Variants in AGTPBP1 observed in about 807,000 individuals in gnomAD.
AGTPBP1 encodes ATP/GTP binding carboxypeptidase 1.
AGTPBP1 carries 70 observed loss-of-function variants against 143.9 expected under a neutral mutation model. The ratio of observed to expected loss-of-function variants is 0.49; its 90% confidence interval spans 0.40 to 0.59. The LOEUF is 0.59. AGTPBP1 is among the 20% of genes least tolerant of loss of function. The pLI, the probability that AGTPBP1 is intolerant of heterozygous loss-of-function variation, is 0.00. For synonymous variants in AGTPBP1, 463 were observed against 500.2 expected (o/e 0.93, Z 0.99); for missense variants, 1,229 against 1,464.5 (o/e 0.84, Z 2.62).
In AGTPBP1 at chr9:85,633,017, T is replaced by A; in HGVS notation, c.1660A>T (p.Met554Leu). The change falls in exon 14 of 26, where the codon ATG (methionine) becomes TTG (leucine). Residue 554 changes from methionine (M) to leucine (L), a missense_variant. Transcript: ENST00000357081. ...AGAGGAAGACTGCAGTCCTTCTTCA[T>A]TTCTGCAGTAAAACCTGGGGCTGTT... is the stretch of plus-strand genomic sequence containing the variant. ...SQTAPGFTAE[M>L]KKDCSLPLTV... is the part of the protein sequence containing the mutation. 2 of 1,614,184 alleles carry A rather than the reference T, an allele frequency of 1.2e-6. No individual in the cohort carries two copies. Among genetic ancestry groups the A allele is most frequent in the Non-Finnish European group, 1.7e-6 (2 of 1,180,024 alleles).
At chr9:85,593,495 G>A (rs1034691904) in intron 18 of AGTPBP1, among the ~76,000 whole-genome samples, 1 of 152,130 alleles carries the variant, frequency 6.6e-6, no homozygotes. Flanking sequence ...AGAGGCAATC[G>A]GGGAAGTCTG....
At position 85,702,640 on chromosome 9, in the gene AGTPBP1, C is replaced by T. The variant is rs529779592; in HGVS notation, c.33-9827G>A. On this transcript the variant is annotated intron_variant, in intron 2 of 25. Transcript: ENST00000357081. ...TTCCTAAAAATGTTATTTCTGGTAA[C>T]GACTCTCTGTCTCTCTCTCTTTTTT... Among the ~76,000 whole-genome samples, 10 of 150,570 alleles carry T rather than the reference C, an allele frequency of 6.6e-5. No homozygotes were observed. The South Asian group carries it at 1.7e-3, about 25-fold the overall frequency.
chr9:85,608,426 A>G lies in AGTPBP1; in HGVS notation c.2335+10557T>C, dbSNP rs1484107188. Among the ~76,000 whole-genome samples, 4 of 152,208 alleles carry G rather than the reference A, an allele frequency of 2.6e-5. No homozygotes were observed. In the South Asian group the frequency reaches 6.2e-4, roughly 24 times the overall value. ...ACAATTGAACAAGAAAACAAAATATAGAGAACCAAATGACATAATCAATGT... is the reference window on the plus strand; with the variant it reads ...ACAATTGAACAAGAAAACAAAATATGGAGAACCAAATGACATAATCAATGT... On this transcript the variant is annotated intron_variant, in intron 17 of 25. Coordinates refer to ENST00000357081, the MANE Select transcript of AGTPBP1 (RefSeq NM_001330701.2).
At position 85,646,380 on chromosome 9, in the gene AGTPBP1, T is replaced by C. The variant is rs1480142183; in HGVS notation, c.1126A>G (p.Ile376Val). The change falls in exon 12 of 26, where the codon ATT (isoleucine) becomes GTT (valine). Residue 376 changes from isoleucine to valine, a missense_variant. This residue lies in a region of AGTPBP1 where 743 missense variants were observed against 812.2 expected (regional missense o/e 0.91). Coordinates refer to ENST00000357081, the MANE Select transcript of AGTPBP1 (RefSeq NM_001330701.2). ...GTTTCGTTTTCAGCTTCTACATCAA[T>C]ATCATCGTTGTCATCACTTTCATCT... ...VVDESDDNDD[I>V]DVEAENETEN... 6.2e-7 allele frequency: 1 copy of C among 1,612,916 alleles called. No homozygotes were observed. Among genetic ancestry groups the C allele is most frequent in the Non-Finnish European group, 8.5e-7 (1 of 1,179,694 alleles).
At chr9:85,683,269 A>G (rs1835300848) in intron 3 of AGTPBP1, among the ~76,000 whole-genome samples, 1 of 152,166 alleles carries the variant, frequency 6.6e-6, no homozygotes, top group African/African-American at 2.4e-5. Context: ...CCTATCCTTT[A>G]CTTTTTCTCC....
chr9:85,627,899 C>T (rs776743089), intron 14 of AGTPBP1, among the ~76,000 whole-genome samples: 4 of 152,138 alleles, frequency 2.6e-5, no homozygotes, highest in African/African-American at 9.7e-5. Context: ...GTTTACATTA[C>T]TGGTAAGGCT....
chr9:85,608,175 A>G (rs10868332), intron 17 of AGTPBP1, among the ~76,000 whole-genome samples: 53,440 of 151,984 alleles, frequency 0.35, 10,375 homozygotes, highest in Middle Eastern at 0.45. Context: ...TGGGGTTGAA[A>G]TCTTTAAAGT....
chr9:85,605,535 T>C lies in AGTPBP1; in HGVS notation c.2336-9086A>G, dbSNP rs1444629922. The stretch of plus-strand genomic sequence containing the variant: ...GAAAGAAAAGGACATTAATGAACAA[T>C]AAGAAATCATCAGAAAGTACAAAAT... On this transcript the variant is annotated intron_variant, in intron 17 of 25. Transcript: ENST00000357081. 2.6e-5 allele frequency among the ~76,000 whole-genome samples: 4 copies of C among 151,962 alleles called. No homozygotes were observed. In the South Asian group the frequency reaches 6.2e-4, roughly 24 times the overall value.
Position 85,642,887 on chromosome 9 carries a change from T to C in AGTPBP1, c.1242A>G (p.Arg414=), listed in dbSNP as rs145711933. ...CATACATTTTTAGATCTTCTATTGT[T>C]CGTCCCGGTTCTTGCTGGGGTTTTA... The part of the protein sequence containing the change: ...NKLKPQQEPG[R]TIEDLKMYEH... Residue 414 remains arginine (R), a synonymous_variant, in exon 13 of 26, where the codon CGA becomes CGG. Coordinates refer to ENST00000357081, the MANE Select transcript of AGTPBP1 (RefSeq NM_001330701.2). The C allele has an allele frequency of 1.9e-6, 3 of 1,613,604 alleles. No homozygotes were observed. The highest frequency in any genetic ancestry group is 1.3e-5 in the African/African-American group (1 of 74,914).
chr9:85,566,529 C>CCAAAAA (rs1827110049), intron 25 of AGTPBP1, among the ~76,000 whole-genome samples: 2 of 78,548 alleles, frequency 2.5e-5, no homozygotes, highest in East Asian at 3.8e-4. Context: ...GACCATGTCT[C>CCAAAAA]AAAAAAAAAA....
the AGTPBP1 span, among the ~76,000 whole-genome samples, chr9:85,803,764 C>G: frequency 6.6e-6 from 1 of 152,192 alleles, no homozygotes; most frequent in Admixed American, 6.5e-5. Context: ...GTGTCCATGT[C>G]CGTCTGGCTG....
the AGTPBP1 span, among the ~76,000 whole-genome samples, chr9:85,757,751 G>C: frequency 6.6e-6 from 1 of 151,904 alleles, no homozygotes; most frequent in South Asian, 2.1e-4. Flanking sequence ...ACATCAAAAA[G>C]ACTCAGAAAT....
chr9:85,585,358 C>A, intron 23 of AGTPBP1, 105 bp downstream of exon 23: 1 of 1,172,474 alleles, frequency 8.5e-7, no homozygotes, highest in Non-Finnish European at 1.1e-6. Flanking sequence ...ACAAAAATGG[C>A]AAAATGTCAA....
chr9:85,574,442 C>T (rs960106626), intron 25 of AGTPBP1, among the ~76,000 whole-genome samples: 13 of 136,492 alleles, frequency 9.5e-5, no homozygotes, highest in East Asian at 6.4e-4. Context: ...ATCCCCCCTG[C>T]GAGAAACACC....
intron 25 of AGTPBP1, among the ~76,000 whole-genome samples, chr9:85,574,709 G>GC (rs1323747999): frequency 5.1e-4 from 77 of 150,862 alleles, no homozygotes; most frequent in African/African-American, 1.8e-3. Context: ...CTGACTCTAA[G>GC]CCTTTTTTTT....
chr9:85,630,993 CAT>C (rs913224156), intron 14 of AGTPBP1, among the ~76,000 whole-genome samples: 1 of 152,196 alleles, frequency 6.6e-6, no homozygotes, highest in African/African-American at 2.4e-5. Context: ...ATGTTCCACA[CAT>C]AGTCAACCCA....
chr9:85,762,183 C>T, the AGTPBP1 span, among the ~76,000 whole-genome samples: 1 of 152,204 alleles, frequency 6.6e-6, no homozygotes, highest in African/African-American at 2.4e-5. Flanking sequence ...GGACTGTAAA[C>T]TAGTTCAACC....
chr9:85,624,640 TTTTC>T (rs1357279432), intron 14 of AGTPBP1, among the ~76,000 whole-genome samples: 2 of 152,242 alleles, frequency 1.3e-5, no homozygotes, highest in Non-Finnish European at 2.9e-5. Flanking sequence ...CAGAGTTTTG[TTTTC>T]TTTATTTTGC....
intron 3 of AGTPBP1, among the ~76,000 whole-genome samples, chr9:85,686,963 G>C (rs911020157): frequency 1.4e-4 from 21 of 152,076 alleles, no homozygotes; most frequent in African/African-American, 4.6e-4. Context: ...TAAGAAGCAA[G>C]ATCCAACAAT....
Sources: allele counts gnomAD v4.1 joint callset (sites outside exome capture counted in the v4.1 genomes callset), GRCh38; gene constraint gnomAD v4.1.1; regional missense constraint gnomAD v4.1.1; transcripts MANE v1.5; gene names NCBI Gene and HGNC (gene_info 2026-07-23, HGNC 2026-07-21).